The following ACSL1 variants were observed in gnomAD, a reference collection of about 807,000 sequenced individuals.
The protein encoded by ACSL1 is acyl-CoA synthetase long chain family member 1, also known as long-chain-fatty-acid--CoA ligase 1.
Under a neutral mutation model 98.4 loss-of-function variants are expected in ACSL1, and 41 were observed. That is an observed-to-expected ratio of 0.42 (90% confidence interval 0.32 to 0.54). The LOEUF (loss-of-function observed/expected upper bound fraction) is 0.54. Among genes scored for constraint, ACSL1 ranks in the 20% least tolerant of loss-of-function variants. ACSL1 has a pLI of 0.13. For synonymous variants in ACSL1, 316 were observed against 322.7 expected, an observed-to-expected ratio of 0.98 and a Z score of 0.22; for missense variants, 734 against 883.1, an observed-to-expected ratio of 0.83 and a Z score of 2.14.
upstream of ACSL1, chr4:184,826,146 C>T (rs1352585827): frequency 6.7e-6 from 1 of 148,352 alleles, no homozygotes; most frequent in Non-Finnish European, 1.5e-5. Context: ...GCAGGCCCCG[C>T]CCCGCCGAGC....
rs1360210934 is a variant in ACSL1, at chr4:184,757,184, C to CTGGCCTTTT, written c.2029_2037dup (p.Lys677_Pro679dup). The CTGGCCTTTT allele has an allele frequency of 6.2e-7, 1 of 1,610,542 alleles. No individual in the cohort carries two copies. Among genetic ancestry groups the CTGGCCTTTT allele is most frequent in the African/African-American group, 1.3e-5 (1 of 74,870 alleles). The stretch of plus-strand genomic sequence containing the variant: ...TGCGACCTGAAATAGTTCCGCAGCT[C>CTGGCCTTTT]TGGCCTTTTCGCCTTCATTGTTGGA... On this transcript the variant is annotated inframe_insertion, in exon 21 of 21. Coordinates refer to ENST00000281455, the MANE Select transcript of ACSL1 (RefSeq NM_001995.5). This position sits in a 1 kb window ranked among gnomAD's most constrained non-coding sequence, Gnocchi z 4.5.
rs114317551 is a variant in ACSL1, at chr4:184,822,916, C to A, written c.-33+3000G>T. ...ATGTAAAATGACAATCTTAGAGTCG[C>A]TGCCACAAACCCTGGTAAAACTGCC... is the stretch of plus-strand genomic sequence containing the variant. On this transcript the variant is annotated intron_variant, in intron 1 of 20. Coordinates refer to ENST00000281455, the MANE Select transcript of ACSL1 (RefSeq NM_001995.5). Among the ~76,000 whole-genome samples, 112 of 152,282 alleles carry A rather than the reference C, an allele frequency of 7.4e-4. 1 individual carries two copies. Among genetic ancestry groups the A allele is most frequent in the African/African-American group, 2.6e-3 (110 of 41,548 alleles).
chr4:184,826,022 G>C (rs116375145), upstream of ACSL1: 1 of 147,974 alleles, frequency 6.8e-6, no homozygotes, highest in Non-Finnish European at 1.5e-5. Context: ...CGCCGCCTCG[G>C]CCCGCTGGTT....
chr4:184,821,194 G>C, intron 1 of ACSL1: 2 of 443,184 alleles, frequency 4.5e-6, no homozygotes, highest in Admixed American at 2.4e-5. Context: ...CTACCACCTC[G>C]GTCAGCTACC....
chr4:184,817,998 A>G (rs2150496278), intron 1 of ACSL1, among the ~76,000 whole-genome samples: 1 of 152,258 alleles, frequency 6.6e-6, no homozygotes, highest in Non-Finnish European at 1.5e-5. Context: ...ATCAGGAGAG[A>G]AAAGCACAGA....
rs141589421 is a variant in ACSL1 at position 184,764,765 on chromosome 4, A to G, written c.1432+88T>C. 1.3e-3 allele frequency: 1,545 copies of G among 1,184,348 alleles called. 7 individuals carry two copies. The highest frequency in any genetic ancestry group is 5.8e-3 in the Middle Eastern group (29 of 4,994). 73.4% of individuals were successfully genotyped at this position (1,184,348 alleles called of 1,614,324 possible). On this transcript the variant is annotated intron_variant, in intron 15 of 20. Transcript: ENST00000281455. ...GCACTTTTGTTTAAGATGGTTAATG[A>G]ACCAGTCAGTGATTAACCCAATTCC...
At chr4:184,767,142 C>T (rs1474896074) in intron 12 of ACSL1, among the ~76,000 whole-genome samples, 1 of 151,898 alleles carries the variant, frequency 6.6e-6, no homozygotes, top group South Asian at 2.1e-4. Flanking sequence ...ATTAGCCGGG[C>T]ATGGTGGCAC....
chr4:184,757,738 C>T lies in ACSL1; in HGVS notation c.1885-32G>A, dbSNP rs1177603467. 2.5e-6 allele frequency: 4 copies of T among 1,612,160 alleles called. No homozygotes were observed. In the South Asian group the frequency reaches 4.4e-5, roughly 18 times the overall value. On this transcript the variant is annotated intron_variant, in intron 19 of 20. Transcript: ENST00000281455. This position sits in a 1 kb window ranked among gnomAD's most constrained non-coding sequence, Gnocchi z 4.5. ...GGGTAAGAAAAATAAATTACTTCCT[C>T]TGTTAGAGGTCCCTGAATATCTACA...
At chr4:184,789,744 T>C (rs1002034522) in intron 2 of ACSL1, among the ~76,000 whole-genome samples, 1 of 152,166 alleles carries the variant, frequency 6.6e-6, no homozygotes, top group Non-Finnish European at 1.5e-5. Flanking sequence ...TCTTTACAGG[T>C]AGCAGGTCTC....
rs1762311636 is a variant in ACSL1, at chr4:184,757,803, C to A, written c.1884+16G>T. The A allele has an allele frequency of 1.2e-6, 2 of 1,613,378 alleles. No homozygotes were observed. Among genetic ancestry groups the A allele is most frequent in the Non-Finnish European group, 1.7e-6 (2 of 1,179,480 alleles). ...CAAGTTATGATGAGGACAGACTGGACCCTTCAGAACCTTACCTTATTTCTG... is the reference window on the plus strand; with the variant it reads ...CAAGTTATGATGAGGACAGACTGGAACCTTCAGAACCTTACCTTATTTCTG... On this transcript the variant is annotated intron_variant, in intron 19 of 20. Coordinates refer to ENST00000281455, the MANE Select transcript of ACSL1 (RefSeq NM_001995.5). The surrounding 1 kb of genome is among the most constrained non-coding windows in gnomAD (Gnocchi z 4.5).
chr4:184,803,452 G>A lies in ACSL1; in HGVS notation c.63C>T (p.Tyr21=), dbSNP rs774952873. The change falls in exon 2 of 21, where the codon TAC becomes TAT. Residue 21 remains tyrosine, a synonymous_variant. Transcript: ENST00000281455. The surrounding 1 kb of genome is among the most constrained non-coding windows in gnomAD (Gnocchi z 4.8). ...RMPELVDFRQ[Y]VRTLPTNTLM... The stretch of plus-strand genomic sequence containing the variant: ...GCGTGTTGGTCGGAAGAGTACGCAC[G>A]TACTGTCGGAAGTCAACCAGCTCTG... 98 of 1,613,084 alleles carry A rather than the reference G, an allele frequency of 6.1e-5. No homozygotes were observed. The highest frequency in any genetic ancestry group is 3.3e-4 in the Middle Eastern group (2 of 6,082).
At chr4:184,776,763 A>C (rs1400473203) in intron 6 of ACSL1, 101 bp from the exon 7 acceptor site, 4 of 1,483,306 alleles carry the variant, frequency 2.7e-6, no homozygotes, top group Admixed American at 4.1e-5. Context: ...CATTCTTTGA[A>C]TAAAAAGGTA....
intron 2 of ACSL1, among the ~76,000 whole-genome samples, chr4:184,802,927 G>A (rs560836406): frequency 3.3e-4 from 51 of 152,256 alleles, no homozygotes; most frequent in Non-Finnish European, 5.6e-4. Context: ...GATGTACCAC[G>A]AGTGCATTCT....
chr4:184,785,600 CGGGGG>C (rs1160593836), intron 3 of ACSL1, among the ~76,000 whole-genome samples: 1,857 of 19,004 alleles, frequency 0.098, 180 homozygotes, highest in Non-Finnish European at 0.3. Flanking sequence ...TCCTCCTGGG[CGGGGG>C]CGGGGGGGGG....
chr4:184,780,203 T>C (rs1409314755), intron 5 of ACSL1, 129 bp downstream of exon 5: 2 of 811,032 alleles, frequency 2.5e-6, no homozygotes, highest in East Asian at 2.6e-5. Context: ...TGTGTAACTT[T>C]CTAAGGTGTA....
At chr4:184,809,637 A>G (rs1197578051) in intron 1 of ACSL1, among the ~76,000 whole-genome samples, 1 of 116,816 alleles carries the variant, frequency 8.6e-6, no homozygotes, top group East Asian at 3.5e-4. Flanking sequence ...CTAAAAATAC[A>G]AAAAAAAAAT....
chr4:184,777,011 G>A lies in ACSL1; in HGVS notation c.478-28C>T, dbSNP rs768362779. The A allele has an allele frequency of 4.4e-6, 7 of 1,586,546 alleles. No individual in the cohort carries two copies. In the East Asian group the frequency reaches 1.6e-4, roughly 36 times the overall value. ...AAACAAACAGTAAAGGTCAGGGAGA[G>A]AAAACAGGATGTCATCATGTAATCA... On this transcript the variant is annotated intron_variant, in intron 5 of 20. Transcript: ENST00000281455.
rs975252621 is a variant in ACSL1 at position 184,803,970 on chromosome 4, G to A, written c.-32-424C>T. Among the ~76,000 whole-genome samples the A allele has an allele frequency of 7.2e-5, 11 of 152,208 alleles. No individual in the cohort carries two copies. The highest frequency in any genetic ancestry group is 1.2e-4 in the Non-Finnish European group (8 of 68,034). On this transcript the variant is annotated intron_variant, in intron 1 of 20. Transcript: ENST00000281455. The surrounding 1 kb of genome is among the most constrained non-coding windows in gnomAD (Gnocchi z 4.8). ...TAATGGGAATATGAGTGAAGGGGAA[G>A]TACAAGCCCAAACCACCTAAGGGCC...
intron 4 of ACSL1, 66 bp downstream of exon 4, chr4:184,783,861 A>G: frequency 6.9e-7 from 1 of 1,441,278 alleles, no homozygotes; most frequent in Non-Finnish European, 9.7e-7. Context: ...CGGCTCCAAG[A>G]ATGCACATAC....
Sources: allele counts gnomAD v4.1 joint callset (sites outside exome capture counted in the v4.1 genomes callset), GRCh38; gene constraint gnomAD v4.1.1; non-coding constraint Gnocchi (gnomAD v3.1); transcripts MANE v1.5; gene names NCBI Gene and HGNC (gene_info 2026-07-23, HGNC 2026-07-21).